PDE12: variants seen among roughly 807,000 people sequenced by gnomAD.
The protein encoded by PDE12 is phosphodiesterase 12.
PDE12 carries 26 observed loss-of-function variants against 45.4 expected under a neutral mutation model. The ratio of observed to expected loss-of-function variants is 0.57; its 90% CI spans 0.42 to 0.79. PDE12 has a LOEUF of 0.79. PDE12 is among the 30% of genes least tolerant of loss of function. The pLI, the probability that PDE12 is intolerant of heterozygous loss-of-function variation, is 0.00. For missense variants in PDE12, 668 were observed against 790.0 expected, an observed-to-expected ratio of 0.85 and a Z score of 1.85; for synonymous variants, 283 against 323.9, an observed-to-expected ratio of 0.87 and a Z score of 1.36.
the PDE12 span, among the ~76,000 whole-genome samples, chr3:57,600,330 C>G: frequency 6.6e-6 from 1 of 151,268 alleles, no homozygotes; most frequent in Non-Finnish European, 1.5e-5. Flanking sequence ...CGGCCAAATT[C>G]TTTTCTTTTC....
At chr3:57,584,245 G>A in the PDE12 span, 8 of 893,574 alleles carry the variant, frequency 9.0e-6, no homozygotes, top group Admixed American at 1.2e-4. Context: ...TTACAGGCAT[G>A]AGCCACCACA....
chr3:57,641,120 T>C, the PDE12 span, among the ~76,000 whole-genome samples: 48 of 148,760 alleles, frequency 3.2e-4, no homozygotes, highest in Non-Finnish European at 6.5e-4. Flanking sequence ...TTATTGGGCT[T>C]CTATATATAT....
chr3:57,560,450 C>T lies in PDE12; in HGVS notation c.*446C>T, dbSNP rs758672373. 168 of 459,764 alleles carry T rather than the reference C, an allele frequency of 3.7e-4. No individual in the cohort carries two copies. The highest frequency in any genetic ancestry group is 3.7e-4 in the Non-Finnish European group (128 of 348,264). 28.5% of individuals were successfully genotyped at this position (459,764 alleles called of 1,614,324 possible). A position where few individuals can be genotyped will look rare whatever the true frequency, so the allele number is the denominator to read the frequency against. ...AAGCGATTCTCCTGCCTCAGCTTCC[C>T]GAGTAGCTGGGATTACAGGCGTGCG... On this transcript the variant is annotated 3_prime_UTR_variant, in exon 3 of 3. Coordinates refer to ENST00000311180, the MANE Select transcript of PDE12 (RefSeq NM_177966.7).
chr3:57,586,005 G>A, the PDE12 span, among the ~76,000 whole-genome samples: 6 of 152,174 alleles, frequency 3.9e-5, no homozygotes, highest in Admixed American at 3.9e-4. Flanking sequence ...TACAAGTAGG[G>A]AGGAATGTGT....
chr3:57,640,254 G>T, the PDE12 span, among the ~76,000 whole-genome samples: 1 of 148,154 alleles, frequency 6.7e-6, no homozygotes, highest in East Asian at 2.0e-4. Context: ...GGGTGACAGA[G>T]TGAGACTCTG....
chr3:57,569,999 T>C (rs1414504684), downstream of PDE12, among the ~76,000 whole-genome samples: 1 of 152,162 alleles, frequency 6.6e-6, no homozygotes, highest in Admixed American at 6.6e-5. Flanking sequence ...TGATGTTTTA[T>C]ATTTCCTAGT....
chr3:57,573,479 A>C, the PDE12 span, among the ~76,000 whole-genome samples: 2 of 152,196 alleles, frequency 1.3e-5, no homozygotes, highest in African/African-American at 4.8e-5. Flanking sequence ...TTGAATACCA[A>C]ATCTCAGTAA....
chr3:57,606,645 A>T, the PDE12 span, among the ~76,000 whole-genome samples: 1 of 152,212 alleles, frequency 6.6e-6, no homozygotes, highest in Admixed American at 6.5e-5. Flanking sequence ...TGAGATTTAT[A>T]ACATAAAAGC....
chr3:57,617,129 GCA>G, the PDE12 span, among the ~76,000 whole-genome samples: 1 of 152,062 alleles, frequency 6.6e-6, no homozygotes, highest in African/African-American at 2.4e-5. Flanking sequence ...TCTAGGCCAG[GCA>G]CAGTGACTCA....
chr3:57,616,787 G>A, the PDE12 span, among the ~76,000 whole-genome samples: 4 of 152,250 alleles, frequency 2.6e-5, no homozygotes, highest in East Asian at 7.7e-4. Context: ...ACTTTCGGAG[G>A]CCAAGGCAGG....
the PDE12 span, among the ~76,000 whole-genome samples, chr3:57,589,401 G>A: frequency 3.6e-3 from 553 of 151,988 alleles, 3 homozygotes; most frequent in African/African-American, 0.011. Flanking sequence ...GCAATTCAGC[G>A]TAAGCAACAG....
At chr3:57,608,439 T>C in the PDE12 span, among the ~76,000 whole-genome samples, 1 of 152,040 alleles carries the variant, frequency 6.6e-6, no homozygotes, top group Non-Finnish European at 1.5e-5. Context: ...AGACACAGAC[T>C]GGCAAGTTGG....
the PDE12 span, among the ~76,000 whole-genome samples, chr3:57,599,624 C>A: frequency 6.6e-6 from 1 of 152,036 alleles, no homozygotes. Context: ...AAACCTGAAC[C>A]AAAACAAAAG....
At chr3:57,584,525 T>C in the PDE12 span, 1 of 1,396,640 alleles carries the variant, frequency 7.2e-7, no homozygotes. Flanking sequence ...GAAATAATTT[T>C]ACAATAAATT....
At chr3:57,610,934 C>A in the PDE12 span, among the ~76,000 whole-genome samples, 3 of 152,092 alleles carry the variant, frequency 2.0e-5, no homozygotes, top group East Asian at 5.8e-4. Context: ...CCAAGACAAT[C>A]CTAAGCCAAA....
At chr3:57,629,507 C>CTTTTT in the PDE12 span, among the ~76,000 whole-genome samples, 7 of 98,224 alleles carry the variant, frequency 7.1e-5, no homozygotes, top group Admixed American at 2.4e-4. Flanking sequence ...AATCAGTCCG[C>CTTTTT]TTTTTTTTTT....
the PDE12 span, among the ~76,000 whole-genome samples, chr3:57,586,338 A>T: frequency 2.0e-5 from 3 of 152,220 alleles, no homozygotes; most frequent in Admixed American, 2.0e-4. Context: ...CAATGCTAGT[A>T]AGTTAAAAAA....
At chr3:57,635,208 T>C in the PDE12 span, among the ~76,000 whole-genome samples, 1 of 151,990 alleles carries the variant, frequency 6.6e-6, no homozygotes, top group Non-Finnish European at 1.5e-5. Context: ...GGGGTTTTGT[T>C]TTGTTTTGTT....
the PDE12 span, among the ~76,000 whole-genome samples, chr3:57,640,278 A>C: frequency 7.1e-6 from 1 of 140,916 alleles, no homozygotes; most frequent in African/African-American, 2.8e-5. Context: ...CAAAAAAAAA[A>C]AACAAAAAAA....
Sources: gnomAD v4.1 joint callset for allele counts (sites outside exome capture counted in the v4.1 genomes callset) on GRCh38, gnomAD v4.1.1 for gene constraint, MANE v1.5 for transcripts, NCBI Gene and HGNC (gene_info 2026-07-23, HGNC 2026-07-21) for gene names.